VPS39: variants seen among roughly 807,000 people sequenced by gnomAD.
VPS39 encodes the protein vam6/Vps39-like protein.
In VPS39, 70 loss-of-function variants were observed where a neutral mutation model predicts 121.0. That is an observed-to-expected ratio of 0.58 (90% CI 0.48 to 0.71). VPS39 has a LOEUF of 0.71. VPS39 is among the 30% of genes least tolerant of loss of function. VPS39 has a pLI of 0.00. For synonymous variants in VPS39, 378 were observed against 398.1 expected, an observed-to-expected ratio of 0.95 and a Z score of 0.60; for missense variants, 818 against 1,051.5, an observed-to-expected ratio of 0.78 and a Z score of 3.07.
At chr15:42,184,143 T>C (rs1005912884) in intron 8 of VPS39, 1 of 152,386 alleles carries the variant, frequency 6.6e-6, no homozygotes, top group African/African-American at 2.5e-5. Flanking sequence ...GAATTACTCA[T>C]ACTATAGGAA....
At chr15:42,178,792 G>C (rs930751559) in intron 8 of VPS39, 1 of 533,136 alleles carries the variant, frequency 1.9e-6, no homozygotes, top group Admixed American at 3.2e-5. Context: ...CACGTAGGCC[G>C]GAAGTTTGAG....
At chr15:42,189,270 C>T (rs957181834) in intron 4 of VPS39, 62 bp from the exon 5 acceptor site, 6 of 1,377,922 alleles carry the variant, frequency 4.4e-6, no homozygotes, top group South Asian at 3.6e-5. Flanking sequence ...TAGCCACTAT[C>T]GAGGCAAAAA....
intron 13 of VPS39, among the ~76,000 whole-genome samples, 175 bp downstream of exon 13, chr15:42,167,219 C>T (rs1248471373): frequency 6.6e-6 from 1 of 152,196 alleles, no homozygotes; most frequent in Non-Finnish European, 1.5e-5. Flanking sequence ...ATATCTTGCC[C>T]TATCCTCTTA....
At chr15:42,204,145 A>C (rs2050120832) in intron 1 of VPS39, among the ~76,000 whole-genome samples, 1 of 152,234 alleles carries the variant, frequency 6.6e-6, no homozygotes, top group South Asian at 2.1e-4. Context: ...AATGCTGGCC[A>C]CTGCAGGGAC....
At chr15:42,180,932 G>T (rs1400621671) in intron 8 of VPS39, among the ~76,000 whole-genome samples, 1 of 152,144 alleles carries the variant, frequency 6.6e-6, no homozygotes, top group Non-Finnish European at 1.5e-5. Context: ...CTGTAAAATG[G>T]TGCGGCCGCT....
intron 8 of VPS39, among the ~76,000 whole-genome samples, chr15:42,179,663 AG>A (rs1204318372): frequency 6.6e-6 from 1 of 151,616 alleles, no homozygotes; most frequent in Non-Finnish European, 1.5e-5. Flanking sequence ...AAAGAAAGGT[AG>A]GGGGAAGGCA....
At chr15:42,166,046 T>G (rs1270410372) in intron 16 of VPS39, 113 bp downstream of exon 16, 1 of 1,170,726 alleles carries the variant, frequency 8.5e-7, no homozygotes, top group African/African-American at 1.5e-5. Flanking sequence ...CCTTTCTTCA[T>G]GCACCAATGA....
intron 19 of VPS39, 31 bp downstream of exon 19, chr15:42,164,327 A>G (rs1304069797): frequency 3.6e-5 from 58 of 1,613,256 alleles, no homozygotes; most frequent in Non-Finnish European, 4.7e-5. Flanking sequence ...CCTTCGCTGA[A>G]GTGGCTTCTG....
intron 7 of VPS39, among the ~76,000 whole-genome samples, chr15:42,185,550 C>T (rs973664535): frequency 4.6e-5 from 7 of 152,142 alleles, no homozygotes; most frequent in Non-Finnish European, 8.8e-5. Context: ...ACTATTCAGC[C>T]ATGAGAAAGA....
chr15:42,191,363 G>A, intron 3 of VPS39, 133 bp downstream of exon 3: 3 of 1,070,436 alleles, frequency 2.8e-6, no homozygotes, highest in Middle Eastern at 2.1e-4. Flanking sequence ...TGATATATGA[G>A]CAGACACTCC....
At chr15:42,185,411 C>G (rs912112599) in intron 7 of VPS39, among the ~76,000 whole-genome samples, 2 of 152,028 alleles carry the variant, frequency 1.3e-5, no homozygotes, top group African/African-American at 2.4e-5. Flanking sequence ...TCTCAATCTC[C>G]TGACCTCGTG....
Position 42,162,506 on chromosome 15 carries a change from G to C in VPS39, c.2176-25C>G, listed in dbSNP as rs201767781. 1.9e-6 allele frequency: 3 copies of C among 1,570,106 alleles called. No homozygotes were observed. In the Admixed American group the frequency reaches 5.3e-5, roughly 28 times the overall value. On this transcript the variant is annotated intron_variant, in intron 21 of 24. Coordinates refer to ENST00000318006, the MANE Select transcript of VPS39 (RefSeq NM_015289.5). ...CCTGTCTCAGAGAGACATGAGCTAC[G>C]TCAGGCTGGCAGCAACCCTCCCAGA...
chr15:42,166,055 G>T, intron 16 of VPS39, 104 bp downstream of exon 16: 1 of 1,213,510 alleles, frequency 8.2e-7, no homozygotes, highest in Non-Finnish European at 1.2e-6. Flanking sequence ...ATGCACCAAT[G>T]AAGACAGATG....
chr15:42,200,139 T>C (rs566923566), intron 1 of VPS39, among the ~76,000 whole-genome samples, 178 bp from the exon 2 acceptor site: 1 of 152,294 alleles, frequency 6.6e-6, no homozygotes, highest in South Asian at 2.1e-4. Context: ...ATGTTTATAC[T>C]CATGTTTGAA....
intron 7 of VPS39, among the ~76,000 whole-genome samples, chr15:42,185,087 A>G (rs1007891062): frequency 2.6e-5 from 4 of 152,134 alleles, no homozygotes; most frequent in Non-Finnish European, 5.9e-5. Flanking sequence ...ATTCCCAGGC[A>G]TTTGCCCAGG....
At chr15:42,201,686 A>C (rs2050072270) in intron 1 of VPS39, among the ~76,000 whole-genome samples, 1 of 152,212 alleles carries the variant, frequency 6.6e-6, no homozygotes, top group Non-Finnish European at 1.5e-5. Flanking sequence ...TTTGGGAGGC[A>C]CTGGTCTAGG....
chr15:42,184,441 G>C, intron 8 of VPS39, 76 bp downstream of exon 8: 2 of 1,460,138 alleles, frequency 1.4e-6, no homozygotes, highest in Non-Finnish European at 1.8e-6. Context: ...CTAAAGCTAC[G>C]AATGGGACTC....
At chr15:42,183,770 C>A (rs2049638759) in intron 8 of VPS39, among the ~76,000 whole-genome samples, 1 of 152,144 alleles carries the variant, frequency 6.6e-6, no homozygotes, top group Non-Finnish European at 1.5e-5. Context: ...TTAAGCAGTG[C>A]CTTGTTTTGT....
intron 1 of VPS39, among the ~76,000 whole-genome samples, chr15:42,204,273 A>T (rs150221862): frequency 3.7e-4 from 57 of 152,376 alleles, no homozygotes; most frequent in Admixed American, 1.0e-3. Flanking sequence ...TGGACTTATT[A>T]AAAATGCACA....
Sources: gnomAD v4.1 joint callset for allele counts (sites outside exome capture counted in the v4.1 genomes callset) on GRCh38, gnomAD v4.1.1 for gene constraint, MANE v1.5 for transcripts, NCBI Gene and HGNC (gene_info 2026-07-23, HGNC 2026-07-21) for gene names.